ESRRG: variants seen among roughly 807,000 people sequenced by gnomAD.
ESRRG encodes estrogen related receptor gamma.
Under a neutral mutation model 44.0 loss-of-function variants are expected in ESRRG, and 13 were observed. The observed-to-expected ratio is 0.30, with a 90% confidence interval of 0.19 to 0.47. ESRRG has a LOEUF of 0.47. ESRRG is among the 20% of genes least tolerant of loss of function. ESRRG has a pLI of 1.00. For synonymous variants in ESRRG, 215 were observed against 214.6 expected (o/e 1.00, Z -0.02); for missense variants, 395 against 580.6 (o/e 0.68, Z 3.29).
At position 216,649,511 on chromosome 1, in the gene ESRRG, T is replaced by TACAC. The variant is rs148634169; in HGVS notation, c.589+1458_589+1461dup. Among the ~76,000 whole-genome samples the TACAC allele has an allele frequency of 2.7e-4, 41 of 151,316 alleles. No homozygotes were observed. The South Asian group carries it at 4.8e-3, about 18-fold the overall frequency. Reference sequence around the variant, plus strand: ...CTCTATATACATATATATATACATATACACACACACACACTCTCATACATA... The same window carrying TACAC: ...CTCTATATACATATATATATACATATACACACACACACACACACTCTCATACATA... On this transcript the variant is annotated intron_variant, in intron 3 of 6. Transcript: ENST00000408911.
At chr1:216,910,282 T>C (rs1217467043) in intron 2 of ESRRG, among the ~76,000 whole-genome samples, 1 of 151,960 alleles carries the variant, frequency 6.6e-6, no homozygotes, top group Non-Finnish European at 1.5e-5. Context: ...GGTTTTTCTC[T>C]CTCTCACATG....
At position 216,623,162 on chromosome 1, in the gene ESRRG, A is replaced by C. The variant is rs1031965691; in HGVS notation, c.589+27811T>G. ...CAGTGCCGCGATCTCGGCTCACTGCAAGCTCTGCCTCCTGGGTTCACGCCA... is the reference window on the plus strand; with the variant it reads ...CAGTGCCGCGATCTCGGCTCACTGCCAGCTCTGCCTCCTGGGTTCACGCCA... On this transcript the variant is annotated intron_variant, in intron 3 of 6. Transcript: ENST00000408911. 3.0e-5 allele frequency among the ~76,000 whole-genome samples: 4 copies of C among 134,348 alleles called. No individual in the cohort carries two copies. In the Admixed American group the frequency reaches 3.6e-4, roughly 12 times the overall value. 88.1% of individuals were successfully genotyped at this position (134,348 alleles called of 152,430 possible).
chr1:216,793,683 T>C (rs79527292), intron 2 of ESRRG, among the ~76,000 whole-genome samples: 189 of 152,322 alleles, frequency 1.2e-3, no homozygotes, highest in African/African-American at 4.4e-3. Context: ...TAGATATTTG[T>C]TGTTTTAAGC....
At chr1:216,562,438 GAAT>G (rs2058936079) in intron 5 of ESRRG, among the ~76,000 whole-genome samples, 1 of 152,078 alleles carries the variant, frequency 6.6e-6, no homozygotes. Flanking sequence ...TTTGAATTGA[GAAT>G]AATAATACCT....
intron 2 of ESRRG, among the ~76,000 whole-genome samples, chr1:216,839,092 T>G (rs1453022488): frequency 6.6e-6 from 1 of 152,224 alleles, no homozygotes; most frequent in African/African-American, 2.4e-5. Context: ...CTTTCAAAAT[T>G]GTAGTCAATC....
upstream of ESRRG, among the ~76,000 whole-genome samples, chr1:217,093,254 T>C (rs2092375405): frequency 2.6e-5 from 4 of 152,290 alleles, no homozygotes; most frequent in African/African-American, 7.2e-5. Flanking sequence ...AGTTCCCTAA[T>C]TGCACAAGGA....
intron 3 of ESRRG, among the ~76,000 whole-genome samples, chr1:216,609,584 GA>G (rs1314702870): frequency 6.6e-6 from 1 of 152,018 alleles, no homozygotes; most frequent in Non-Finnish European, 1.5e-5. Context: ...TCCATTTTAT[GA>G]AAAAATGAAA....
rs2073220139 is a variant in ESRRG at position 216,663,975 on chromosome 1, G to A, written c.473-12886C>T. On this transcript the variant is annotated intron_variant, in intron 2 of 6. Transcript: ENST00000408911. ...TTGCGCTCTCAAGCTTCACATTTAAGGGATTTCTAAAAATGAATTGCAAAG... is the reference window on the plus strand; with the variant it reads ...TTGCGCTCTCAAGCTTCACATTTAAAGGATTTCTAAAAATGAATTGCAAAG... Among the ~76,000 whole-genome samples the A allele has an allele frequency of 2.0e-5, 3 of 152,070 alleles. 1 individual carries two copies. The South Asian group carries it at 6.2e-4, about 32-fold the overall frequency.
chr1:216,614,979 A>G (rs138257354), intron 3 of ESRRG, among the ~76,000 whole-genome samples: 30 of 152,324 alleles, frequency 2.0e-4, no homozygotes, highest in Non-Finnish European at 3.8e-4. Flanking sequence ...TTGTAATTAT[A>G]TAATCTGCTA....
intron 5 of ESRRG, among the ~76,000 whole-genome samples, chr1:216,534,401 G>A (rs957492362): frequency 1.2e-4 from 19 of 152,144 alleles, no homozygotes; most frequent in African/African-American, 4.3e-4. Context: ...TATATGAGAT[G>A]TTATTCCTGG....
chr1:217,130,572 C>G (rs1462840629), intron 1 of ESRRG, among the ~76,000 whole-genome samples: 1 of 152,096 alleles, frequency 6.6e-6, no homozygotes, highest in Non-Finnish European at 1.5e-5. Flanking sequence ...ATCTCCACTT[C>G]CAAATGTTCA....
intron 1 of ESRRG, among the ~76,000 whole-genome samples, chr1:216,989,306 G>GC (rs1484326121): frequency 6.6e-6 from 1 of 151,596 alleles, no homozygotes; most frequent in Non-Finnish European, 1.5e-5. Flanking sequence ...ACAAAAATTA[G>GC]CCAGTCATGG....
intron 2 of ESRRG, among the ~76,000 whole-genome samples, chr1:216,828,923 C>A (rs749885959): frequency 6.6e-6 from 1 of 152,154 alleles, no homozygotes; most frequent in Non-Finnish European, 1.5e-5. Context: ...TCAACCCACT[C>A]ATGTCTCAAT....
intron 1 of ESRRG, among the ~76,000 whole-genome samples, chr1:217,133,212 T>C (rs2092989870): frequency 6.6e-6 from 1 of 152,238 alleles, no homozygotes; most frequent in Admixed American, 6.5e-5. Context: ...GCAAGTCACT[T>C]TCCTAAGCGA....
chr1:216,888,222 T>A (rs557648351), intron 2 of ESRRG, among the ~76,000 whole-genome samples: 2 of 152,346 alleles, frequency 1.3e-5, no homozygotes, highest in East Asian at 3.9e-4. Context: ...GGTGTTTTTC[T>A]CATGGCAACA....
chr1:216,985,395 G>T (rs1472465570), intron 1 of ESRRG, among the ~76,000 whole-genome samples: 1 of 152,186 alleles, frequency 6.6e-6, no homozygotes, highest in Admixed American at 6.5e-5. Flanking sequence ...AATCCAGGCT[G>T]GAGAAGGAAG....
At chr1:216,951,672 T>A (rs1227923539) in intron 1 of ESRRG, among the ~76,000 whole-genome samples, 4 of 151,294 alleles carry the variant, frequency 2.6e-5, no homozygotes, top group Non-Finnish European at 1.5e-5. Flanking sequence ...AATCCCAGAT[T>A]TAACTACTAT....
At chr1:216,683,535 A>C (rs2077401189) in intron 1 of ESRRG, among the ~76,000 whole-genome samples, 1 of 152,332 alleles carries the variant, frequency 6.6e-6, no homozygotes, top group African/African-American at 2.4e-5. Flanking sequence ...CTGGTGCCTG[A>C]GTTGCTGACA....
At chr1:216,685,588 A>G (rs2077787240) in intron 1 of ESRRG, among the ~76,000 whole-genome samples, 1 of 152,216 alleles carries the variant, frequency 6.6e-6, no homozygotes, top group South Asian at 2.1e-4. Flanking sequence ...ACTCATAGAA[A>G]GTCTATGCAC....
Sources: allele counts gnomAD v4.1 joint callset (sites outside exome capture counted in the v4.1 genomes callset), GRCh38; gene constraint gnomAD v4.1.1; transcripts MANE v1.5; gene names NCBI Gene and HGNC (gene_info 2026-07-23, HGNC 2026-07-21).